Variants in EARS2 observed in about 807,000 individuals in gnomAD.
EARS2 encodes the protein glutamyl-tRNA synthetase 2, mitochondrial, also known as nondiscriminating glutamyl-tRNA synthetase EARS2, mitochondrial.
A neutral mutation model predicts 54.1 loss-of-function variants in EARS2; 50 were observed. The ratio of observed to expected loss-of-function variants is 0.92; its 90% CI spans 0.74 to 1.17. EARS2 has a LOEUF of 1.17. EARS2 is among the 50% of genes most tolerant of loss of function. The pLI, the probability that EARS2 is intolerant of heterozygous loss-of-function variation, is 0.00. For synonymous variants in EARS2, 298 were observed against 281.0 expected, an observed-to-expected ratio of 1.06 and a Z score of -0.61; for missense variants, 673 against 675.0, an observed-to-expected ratio of 1.00 and a Z score of 0.03.
intron 2 of EARS2, among the ~76,000 whole-genome samples, chr16:23,550,432 GGTC>G (rs1728636357): frequency 1.5e-5 from 2 of 130,370 alleles, no homozygotes; most frequent in African/African-American, 5.6e-5. Flanking sequence ...CTAAGCACAT[GGTC>G]TTTTTTTTTT....
intron 7 of EARS2, 134 bp downstream of exon 7, chr16:23,529,368 G>T: frequency 8.2e-7 from 1 of 1,220,428 alleles, no homozygotes; most frequent in Non-Finnish European, 1.1e-6. Context: ...GCGAAAGCCA[G>T]TGAAGGGTCA....
intron 2 of EARS2, 178 bp from the exon 3 acceptor site, chr16:23,544,881 G>A (rs548647467): frequency 8.6e-5 from 48 of 559,880 alleles, no homozygotes; most frequent in Admixed American, 2.0e-4. Flanking sequence ...CTCTGATGTC[G>A]CCAAGGCTGG....
chr16:23,543,824 CAT>C (rs1201112757), intron 3 of EARS2, among the ~76,000 whole-genome samples: 2 of 151,580 alleles, frequency 1.3e-5, no homozygotes, highest in African/African-American at 4.8e-5. Flanking sequence ...CACCCAAACA[CAT>C]GTGACAGGCT....
At chr16:23,552,633 G>A (rs568785565) in intron 1 of EARS2, among the ~76,000 whole-genome samples, 1 of 152,224 alleles carries the variant, frequency 6.6e-6, no homozygotes, top group Non-Finnish European at 1.5e-5. Flanking sequence ...GGGATTACAG[G>A]TGTGTGCCAC....
intron 3 of EARS2, among the ~76,000 whole-genome samples, chr16:23,536,218 ATT>A (rs1467292310): frequency 5.9e-5 from 9 of 152,292 alleles, no homozygotes; most frequent in Admixed American, 5.9e-4. Context: ...CTAACAGGGT[ATT>A]CCACTAACTG....
intron 3 of EARS2, among the ~76,000 whole-genome samples, chr16:23,539,739 A>G (rs1965482644): frequency 6.6e-6 from 1 of 152,070 alleles, no homozygotes; most frequent in Non-Finnish European, 1.5e-5. Flanking sequence ...TTGGCCAGGC[A>G]TGGTGGCTCA....
Position 23,521,405 on chromosome 16 carries a change from T to C in EARS2, c.*2966A>G, listed in dbSNP as rs1488076681. On this transcript the variant is annotated 3_prime_UTR_variant, in exon 9 of 9. Coordinates refer to ENST00000449606, the MANE Select transcript of EARS2 (RefSeq NM_001083614.2). ...ATCCTTTTAACTTTATTTTATTCAT[T>C]TTTTTTTTTTTAGACACAGGATCTT... 6.8e-6 allele frequency among the ~76,000 whole-genome samples: 1 copy of C among 147,164 alleles called. No individual in the cohort carries two copies. Among genetic ancestry groups the C allele is most frequent in the East Asian group, 1.9e-4 (1 of 5,140 alleles).
chr16:23,553,935 A>G (rs758801478), intron 1 of EARS2, among the ~76,000 whole-genome samples: 1 of 152,012 alleles, frequency 6.6e-6, no homozygotes, highest in Non-Finnish European at 1.5e-5. Flanking sequence ...TATGCAGTCT[A>G]TGCAGTGTGC....
chr16:23,538,973 C>CTTT (rs34153998), intron 3 of EARS2, among the ~76,000 whole-genome samples: 9 of 83,852 alleles, frequency 1.1e-4, no homozygotes, highest in Non-Finnish European at 1.4e-4. Context: ...GGCCCCCCTC[C>CTTT]TTTTTTTTTT....
rs1376673125 is a variant in EARS2, at chr16:23,523,499, A to C, written c.*872T>G. ...TCAAGAATAAAGGGTAGCATAAGAC[A>C]AGAGTGCTTACCCTTGGCAGTGGAG... On this transcript the variant is annotated 3_prime_UTR_variant, in exon 9 of 9. Coordinates refer to ENST00000449606, the MANE Select transcript of EARS2 (RefSeq NM_001083614.2). 6.6e-6 allele frequency: 1 copy of C among 152,216 alleles called. No individual in the cohort carries two copies. The highest frequency in any genetic ancestry group is 1.5e-5 in the Non-Finnish European group (1 of 68,064). The allele number at this position is 152,216 out of a possible 1,614,324, so 9.4% of individuals were successfully genotyped here.
chr16:23,542,125 G>A (rs1012093140), intron 3 of EARS2, among the ~76,000 whole-genome samples: 15 of 150,422 alleles, frequency 1.0e-4, no homozygotes, highest in Admixed American at 8.0e-4. Flanking sequence ...CCCAACGTAC[G>A]GGGATTACAG....
At chr16:23,550,964 CCT>C (rs1965685618) in intron 2 of EARS2, 1 of 152,142 alleles carries the variant, frequency 6.6e-6, no homozygotes, top group African/African-American at 2.4e-5. Context: ...CTTTGTTCTC[CCT>C]GACCTTAGCT....
intron 2 of EARS2, among the ~76,000 whole-genome samples, chr16:23,548,767 G>C (rs1357832528): frequency 6.6e-6 from 1 of 152,090 alleles, no homozygotes; most frequent in African/African-American, 2.4e-5. Flanking sequence ...TCCATGACTG[G>C]AGTGAGAACT....
intron 1 of EARS2, among the ~76,000 whole-genome samples, chr16:23,555,748 G>A (rs1965767268): frequency 6.6e-6 from 1 of 152,168 alleles, no homozygotes; most frequent in Non-Finnish European, 1.5e-5. Flanking sequence ...CAGTGCGGTG[G>A]CACGATCTCG....
intron 1 of EARS2, chr16:23,556,907 G>T (rs1390232082): frequency 1.6e-6 from 1 of 627,652 alleles, no homozygotes; most frequent in Non-Finnish European, 2.9e-6. Flanking sequence ...AATGATCACT[G>T]TATCCCAGCG....
At chr16:23,527,417 A>C (rs1190478528) in intron 7 of EARS2, among the ~76,000 whole-genome samples, 1 of 152,162 alleles carries the variant, frequency 6.6e-6, no homozygotes, top group Non-Finnish European at 1.5e-5. Flanking sequence ...TCAACTCAGT[A>C]TGGACCACTA....
chr16:23,531,037 G>A lies in EARS2; in HGVS notation c.1068-1140C>T, dbSNP rs545457379. On this transcript the variant is annotated intron_variant, in intron 5 of 8. Coordinates refer to ENST00000449606, the MANE Select transcript of EARS2 (RefSeq NM_001083614.2). The stretch of plus-strand genomic sequence containing the variant: ...CTCCTGAGTAGCTGAGACTACAGGC[G>A]CCCGCCACGTCGGGCTGATTTTTTT... Among the ~76,000 whole-genome samples the A allele has an allele frequency of 1.4e-4, 21 of 151,360 alleles. 1 individual carries two copies. Among genetic ancestry groups the A allele is most frequent in the East Asian group, 1.4e-3 (7 of 5,114 alleles).
chr16:23,551,936 T>A (rs1965702657), intron 2 of EARS2, among the ~76,000 whole-genome samples: 1 of 151,892 alleles, frequency 6.6e-6, no homozygotes, highest in Non-Finnish European at 1.5e-5. Context: ...AATAAATAAA[T>A]AAAAATAAAG....
intron 3 of EARS2, among the ~76,000 whole-genome samples, chr16:23,543,521 G>C (rs1355592328): frequency 2.6e-5 from 4 of 151,954 alleles, no homozygotes; most frequent in Admixed American, 6.6e-5. Context: ...TCTGAGAAAG[G>C]TGGATCACCT....
Sources: allele counts gnomAD v4.1 joint callset (sites outside exome capture counted in the v4.1 genomes callset), GRCh38; gene constraint gnomAD v4.1.1; transcripts MANE v1.5; gene names NCBI Gene and HGNC (gene_info 2026-07-23, HGNC 2026-07-21).